CPNE5: variants seen among roughly 807,000 people sequenced by gnomAD.
CPNE5 encodes the protein copine 5.
In CPNE5, 42 loss-of-function variants were observed where a neutral mutation model predicts 81.1. The ratio of observed to expected loss-of-function variants is 0.52; its 90% CI spans 0.40 to 0.67. The LOEUF (loss-of-function observed/expected upper bound fraction) is 0.67, where lower values mean the gene tolerates loss of function less well. Among genes scored for constraint, CPNE5 ranks in the 30% least tolerant of loss-of-function variants. CPNE5 has a pLI of 0.00. For synonymous variants in CPNE5, 313 were observed against 321.5 expected (o/e 0.97, Z 0.28); for missense variants, 612 against 815.5 (o/e 0.75, Z 3.04).
At chr6:36,760,427 G>A (rs746011616) in intron 12 of CPNE5, among the ~76,000 whole-genome samples, 2 of 152,096 alleles carry the variant, frequency 1.3e-5, no homozygotes, top group African/African-American at 2.4e-5. Flanking sequence ...GCAGGGGAGC[G>A]ATGTGATCAG....
intron 13 of CPNE5, chr6:36,755,735 C>G (rs142597977): frequency 6.9e-5 from 11 of 159,538 alleles, no homozygotes; most frequent in Admixed American, 6.8e-4. Flanking sequence ...AGGAAGGTCA[C>G]GGTTAAGCAG....
intron 7 of CPNE5, among the ~76,000 whole-genome samples, chr6:36,793,855 T>G (rs1190740857): frequency 6.6e-6 from 1 of 152,042 alleles, no homozygotes; most frequent in African/African-American, 2.4e-5. Context: ...AAAATGCCCT[T>G]CTGCAGAGGC....
intron 9 of CPNE5, among the ~76,000 whole-genome samples, chr6:36,777,319 T>C (rs568618595): frequency 8.6e-5 from 13 of 152,020 alleles, no homozygotes; most frequent in African/African-American, 3.1e-4. Flanking sequence ...CTCCCACCTG[T>C]TCACCATGTC....
At chr6:36,804,753 G>A (rs1324586092) in intron 3 of CPNE5, among the ~76,000 whole-genome samples, 1 of 148,026 alleles carries the variant, frequency 6.8e-6, no homozygotes, top group Non-Finnish European at 1.5e-5. Flanking sequence ...CTTCAATAGA[G>A]GGGAATACCC....
chr6:36,745,220 C>T, intron 17 of CPNE5, 70 bp from the exon 18 acceptor site: 1 of 1,465,714 alleles, frequency 6.8e-7, no homozygotes, highest in Non-Finnish European at 9.5e-7. Context: ...TAAACAAGGA[C>T]CCTGAACACT....
At chr6:36,759,464 G>C (rs1391173742) in intron 12 of CPNE5, among the ~76,000 whole-genome samples, 1 of 151,702 alleles carries the variant, frequency 6.6e-6, no homozygotes. Flanking sequence ...GGTGGGGTGG[G>C]TGGGGGCACT....
intron 10 of CPNE5, among the ~76,000 whole-genome samples, chr6:36,770,049 G>C (rs1302880708): frequency 6.6e-6 from 1 of 152,230 alleles, no homozygotes; most frequent in Non-Finnish European, 1.5e-5. Flanking sequence ...AGAACATTAA[G>C]AGAGTAGGGC....
chr6:36,746,607 C>A lies in CPNE5; in HGVS notation c.1019-30G>T. ...AACACAGGACATGGGAGCCTTTGAC[C>A]ATCTGGACCCTCCAAGTCACCCCGG... On this transcript the variant is annotated intron_variant, in intron 15 of 20. Coordinates refer to ENST00000244751, the MANE Select transcript of CPNE5 (RefSeq NM_020939.2). This position sits in a 1 kb window ranked among gnomAD's most constrained non-coding sequence, Gnocchi z 4.5. 1 of 1,586,860 alleles carries A rather than the reference C, an allele frequency of 6.3e-7. No individual in the cohort carries two copies. The highest frequency in any genetic ancestry group is 8.5e-7 in the Non-Finnish European group (1 of 1,170,400).
intron 1 of CPNE5, among the ~76,000 whole-genome samples, chr6:36,838,202 G>A (rs2150638979): frequency 6.6e-6 from 1 of 152,254 alleles, no homozygotes; most frequent in African/African-American, 2.4e-5. Flanking sequence ...GGACTGGGGG[G>A]CAACAAGGTT....
At chr6:36,767,357 G>A (rs544973882) in intron 10 of CPNE5, among the ~76,000 whole-genome samples, 5 of 152,234 alleles carry the variant, frequency 3.3e-5, no homozygotes, top group Admixed American at 6.5e-5. Context: ...TATGTGTTCC[G>A]GAGTGATGAC....
At chr6:36,771,482 A>G (rs978054664) in intron 10 of CPNE5, among the ~76,000 whole-genome samples, 1 of 152,164 alleles carries the variant, frequency 6.6e-6, no homozygotes, top group South Asian at 2.1e-4. Context: ...ATTAGTTCCT[A>G]TACATAAAGC....
At position 36,745,471 on chromosome 6, in the gene CPNE5, G is replaced by C; in HGVS notation, c.1245C>G (p.Ile415Met). ...GCAGGCTGCGGTGGTAGGCCTCCAG[G>C]ATGCCGTCGATGCCACAGCATGAGG... Reference protein sequence around the residue: ...ENPSCCGIDGILEAYHRSLRT... With the variant: ...ENPSCCGIDGMLEAYHRSLRT... The change falls in exon 17 of 21, where the codon ATC becomes ATG. Residue 415 changes from isoleucine (I) to methionine (M), a missense_variant. Ile to Met is a conservative substitution (Grantham distance 10). Coordinates refer to ENST00000244751, the MANE Select transcript of CPNE5 (RefSeq NM_020939.2). 1.9e-6 allele frequency: 3 copies of C among 1,598,720 alleles called. No individual in the cohort carries two copies. Among genetic ancestry groups the C allele is most frequent in the Non-Finnish European group, 2.6e-6 (3 of 1,173,232 alleles).
At chr6:36,791,822 G>T (rs909449206) in intron 8 of CPNE5, among the ~76,000 whole-genome samples, 26 of 152,272 alleles carry the variant, frequency 1.7e-4, no homozygotes, top group Non-Finnish European at 2.8e-4. Flanking sequence ...CTGACTGTGG[G>T]TGAGCTCCTT....
chr6:36,824,582 C>T (rs1772345956), intron 1 of CPNE5, among the ~76,000 whole-genome samples: 1 of 152,240 alleles, frequency 6.6e-6, no homozygotes, highest in Non-Finnish European at 1.5e-5. Flanking sequence ...GCCTCTGCCC[C>T]TTGAACTGCT....
chr6:36,751,217 G>A (rs1225147258), intron 14 of CPNE5, among the ~76,000 whole-genome samples: 1 of 152,222 alleles, frequency 6.6e-6, no homozygotes, highest in Non-Finnish European at 1.5e-5. Flanking sequence ...GGTGGCACCA[G>A]CTTAGCTCAG....
At chr6:36,761,483 G>A (rs758420633) in intron 12 of CPNE5, among the ~76,000 whole-genome samples, 7 of 152,206 alleles carry the variant, frequency 4.6e-5, no homozygotes, top group South Asian at 4.1e-4. Context: ...ACTCAGAACC[G>A]ACATGCAGGG....
intron 3 of CPNE5, among the ~76,000 whole-genome samples, chr6:36,801,286 C>A (rs1770079174): frequency 6.6e-6 from 1 of 152,222 alleles, no homozygotes; most frequent in Non-Finnish European, 1.5e-5. Flanking sequence ...GAGGGCCTCA[C>A]TCCAGAGGCT....
intron 3 of CPNE5, among the ~76,000 whole-genome samples, chr6:36,815,904 C>T (rs748351039): frequency 5.3e-5 from 8 of 152,170 alleles, no homozygotes; most frequent in Non-Finnish European, 1.2e-4. Flanking sequence ...TCTGTGATTC[C>T]CATTTCTTTT....
chr6:36,746,465 C>T lies in CPNE5; in HGVS notation c.1131G>A (p.Lys377=), dbSNP rs377721486. The T allele has an allele frequency of 1.2e-6, 2 of 1,613,596 alleles. No individual in the cohort carries two copies. The highest frequency in any genetic ancestry group is 2.7e-5 in the African/African-American group (2 of 74,896). ...GEIIQHYDSD[K]MFPALGFGAK... ...CCCCGAAGCCCAGGGCAGGGAACAT[C>T]TTGTCACTGTCGTAGTGCTGGATGA... Residue 377 remains lysine (K), a synonymous_variant, in exon 16 of 21, where the codon AAG becomes AAA. Coordinates refer to ENST00000244751, the MANE Select transcript of CPNE5 (RefSeq NM_020939.2). The surrounding 1 kb of genome is among the most constrained non-coding windows in gnomAD (Gnocchi z 4.5).
Sources: gnomAD v4.1 joint callset for allele counts (sites outside exome capture counted in the v4.1 genomes callset) on GRCh38, gnomAD v4.1.1 for gene constraint, Gnocchi (gnomAD v3.1) non-coding constraint, MANE v1.5 for transcripts, NCBI Gene and HGNC (gene_info 2026-07-23, HGNC 2026-07-21) for gene names.